The following ASAP1 variants were observed in gnomAD, a reference collection of about 807,000 sequenced individuals.
ASAP1 encodes the protein ArfGAP with SH3 domain, ankyrin repeat and PH domain 1.
Under a neutral mutation model 145.2 loss-of-function variants are expected in ASAP1, and 43 were observed. The observed-to-expected ratio is 0.30, with a 90% CI of 0.23 to 0.38. The LOEUF (loss-of-function observed/expected upper bound fraction) is 0.38. Among genes scored for constraint, ASAP1 ranks in the 10% least tolerant of loss-of-function variants. ASAP1 has a pLI of 1.00. For synonymous variants in ASAP1, 546 were observed against 515.5 expected, an observed-to-expected ratio of 1.06 and a Z score of -0.80; for missense variants, 1,018 against 1,355.3, an observed-to-expected ratio of 0.75 and a Z score of 3.91.
intron 3 of ASAP1, among the ~76,000 whole-genome samples, chr8:130,316,694 T>C (rs1823681474): frequency 6.6e-6 from 1 of 152,168 alleles, no homozygotes; most frequent in Non-Finnish European, 1.5e-5. Flanking sequence ...AGTCATGTGC[T>C]GAGGAAGGTG....
At chr8:130,179,811 C>A (rs573158865) in intron 8 of ASAP1, among the ~76,000 whole-genome samples, 218 of 151,908 alleles carry the variant, frequency 1.4e-3, no homozygotes, top group Middle Eastern at 0.01. Flanking sequence ...TAAGAATAAC[C>A]CACTAATTTA....
intron 13 of ASAP1, among the ~76,000 whole-genome samples, chr8:130,146,974 C>A (rs1319664210): frequency 5.3e-5 from 8 of 151,868 alleles, no homozygotes; most frequent in Admixed American, 5.2e-4. Flanking sequence ...GTCTGTAATC[C>A]CAGAACTTTG....
At chr8:130,327,727 GA>G (rs1413726870) in intron 3 of ASAP1, among the ~76,000 whole-genome samples, 1 of 152,136 alleles carries the variant, frequency 6.6e-6, no homozygotes, top group East Asian at 1.9e-4. Flanking sequence ...CACAGAAACA[GA>G]AAGTAGCTTA....
chr8:130,277,027 G>C (rs1820954604), intron 3 of ASAP1, among the ~76,000 whole-genome samples: 1 of 152,078 alleles, frequency 6.6e-6, no homozygotes, highest in African/African-American at 2.4e-5. Context: ...GTACGGCTTT[G>C]ACAGCGTAAC....
At chr8:130,375,609 T>A (rs1390864540) in intron 2 of ASAP1, among the ~76,000 whole-genome samples, 1 of 151,876 alleles carries the variant, frequency 6.6e-6, no homozygotes, top group Non-Finnish European at 1.5e-5. Context: ...TTGAAATGTG[T>A]TAATAGAAAG....
chr8:130,401,444 C>T (rs891865725), intron 2 of ASAP1, among the ~76,000 whole-genome samples: 8 of 152,048 alleles, frequency 5.3e-5, no homozygotes, highest in South Asian at 4.2e-4. Flanking sequence ...AAGGTTTCGC[C>T]ATGTTGGTCA....
intron 5 of ASAP1, among the ~76,000 whole-genome samples, chr8:130,204,050 G>A (rs1001505686): frequency 4.7e-4 from 71 of 152,254 alleles, no homozygotes; most frequent in African/African-American, 1.5e-3. Flanking sequence ...CCCAGGCCAC[G>A]AACCGGTACA....
chr8:130,165,715 A>G (rs1389935890), intron 11 of ASAP1, among the ~76,000 whole-genome samples: 1 of 152,196 alleles, frequency 6.6e-6, no homozygotes, highest in Non-Finnish European at 1.5e-5. Context: ...CTAGTGTTAC[A>G]GTGCTATAGA....
intron 11 of ASAP1, among the ~76,000 whole-genome samples, chr8:130,166,495 C>T (rs924818137): frequency 2.0e-5 from 3 of 152,112 alleles, no homozygotes; most frequent in Admixed American, 6.6e-5. Flanking sequence ...ACCCATCCTG[C>T]CCCAAAATGT....
intron 9 of ASAP1, among the ~76,000 whole-genome samples, chr8:130,174,336 C>A (rs1358645024): frequency 6.6e-6 from 1 of 152,186 alleles, no homozygotes; most frequent in Non-Finnish European, 1.5e-5. Context: ...CCTATCACTA[C>A]ACTTAACACA....
rs557707854 is a variant in ASAP1 at position 130,119,071 on chromosome 8, G to A, written c.1608-396C>T. 3.9e-5 allele frequency among the ~76,000 whole-genome samples: 6 copies of A among 152,178 alleles called. No homozygotes were observed. In the South Asian group the frequency reaches 1.0e-3, roughly 26 times the overall value. On this transcript the variant is annotated intron_variant, in intron 18 of 29. Transcript: ENST00000518721. ...AAAGTTTTCAGAGCTTCACGGAAAG[G>A]ATTTTGGTCGTCTGATATAACTCTC...
intron 13 of ASAP1, among the ~76,000 whole-genome samples, chr8:130,148,243 G>A (rs566845588): frequency 4.6e-5 from 7 of 152,172 alleles, no homozygotes; most frequent in African/African-American, 7.2e-5. Context: ...CTATGATACA[G>A]TAGAAAGAGT....
intron 3 of ASAP1, among the ~76,000 whole-genome samples, chr8:130,325,293 G>C (rs934295656): frequency 7.2e-5 from 11 of 152,176 alleles, no homozygotes; most frequent in African/African-American, 2.7e-4. Context: ...CAAAAGCAAA[G>C]AGAATTCCTA....
At chr8:130,421,142 C>T (rs1391613277) in intron 1 of ASAP1, among the ~76,000 whole-genome samples, 1 of 152,194 alleles carries the variant, frequency 6.6e-6, no homozygotes, top group Non-Finnish European at 1.5e-5. Context: ...CTCTCTCCTC[C>T]CCTCCTACCA....
chr8:130,335,667 A>G (rs957641551), intron 3 of ASAP1, among the ~76,000 whole-genome samples: 2 of 152,228 alleles, frequency 1.3e-5, no homozygotes, highest in African/African-American at 4.8e-5. Context: ...CCCTTTCAAC[A>G]GTTGATCAAG....
intron 4 of ASAP1, among the ~76,000 whole-genome samples, chr8:130,228,814 T>A (rs931619979): frequency 4.2e-4 from 64 of 151,522 alleles, no homozygotes; most frequent in African/African-American, 1.4e-3. Flanking sequence ...GTGGCTATTA[T>A]TTTTTTTTCT....
intron 3 of ASAP1, among the ~76,000 whole-genome samples, chr8:130,319,506 C>A (rs1472245772): frequency 1.3e-5 from 2 of 152,022 alleles, no homozygotes; most frequent in African/African-American, 2.4e-5. Flanking sequence ...CTGAGTGGCA[C>A]AGAACAGAGC....
intron 2 of ASAP1, among the ~76,000 whole-genome samples, chr8:130,378,422 C>G (rs568208974): frequency 3.3e-5 from 5 of 152,336 alleles, no homozygotes; most frequent in South Asian, 4.1e-4. Flanking sequence ...AGGAGGTTAA[C>G]TAGCAGGATG....
intron 7 of ASAP1, among the ~76,000 whole-genome samples, chr8:130,182,804 A>G (rs1814446382): frequency 6.7e-6 from 1 of 150,208 alleles, no homozygotes; most frequent in African/African-American, 2.4e-5. Flanking sequence ...TGCATCTATG[A>G]AACAAGAAAT....
Sources: gnomAD v4.1 joint callset for allele counts (sites outside exome capture counted in the v4.1 genomes callset) on GRCh38, gnomAD v4.1.1 for gene constraint, MANE v1.5 for transcripts, NCBI Gene and HGNC (gene_info 2026-07-23, HGNC 2026-07-21) for gene names.